Variants in DOCK1 observed in about 807,000 individuals in gnomAD.
DOCK1 encodes the protein dedicator of cytokinesis 1.
Under a neutral mutation model 262.7 loss-of-function variants are expected in DOCK1, and 138 were observed. The observed-to-expected ratio is 0.53, with a 90% CI of 0.46 to 0.61. DOCK1 has a LOEUF of 0.61. Among genes scored for constraint, DOCK1 ranks in the 20% least tolerant of loss-of-function variants. DOCK1 has a pLI of 0.00. For synonymous variants in DOCK1, 866 were observed against 867.4 expected (o/e 1.00, Z 0.03); for missense variants, 1,908 against 2,370.7 (o/e 0.80, Z 4.05).
intron 29 of DOCK1, among the ~76,000 whole-genome samples, chr10:127,282,910 G>A (rs973688508): frequency 1.3e-5 from 2 of 152,238 alleles, no homozygotes; most frequent in Admixed American, 6.5e-5. Context: ...AGGGTCCTGC[G>A]TGTATCCTAC....
intron 29 of DOCK1, among the ~76,000 whole-genome samples, chr10:127,313,675 C>G (rs1277648667): frequency 6.6e-6 from 1 of 152,122 alleles, no homozygotes; most frequent in Non-Finnish European, 1.5e-5. Context: ...CCACCCCTCT[C>G]GACCCGCAGC....
intron 1 of DOCK1, among the ~76,000 whole-genome samples, 181 bp downstream of exon 1, chr10:126,905,744 C>T (rs1179826893): frequency 6.9e-6 from 1 of 145,174 alleles, no homozygotes; most frequent in Non-Finnish European, 1.5e-5. Context: ...CCCGCGCCCC[C>T]GGCGGCGTCA....
At chr10:127,065,785 C>T (rs553525882) in intron 23 of DOCK1, among the ~76,000 whole-genome samples, 3 of 152,080 alleles carry the variant, frequency 2.0e-5, no homozygotes, top group East Asian at 1.9e-4. Context: ...GGGTCAGAGG[C>T]GGAGGTTGCA....
At chr10:127,111,451 C>T (rs981634089) in intron 25 of DOCK1, among the ~76,000 whole-genome samples, 3 of 152,124 alleles carry the variant, frequency 2.0e-5, no homozygotes, top group African/African-American at 7.2e-5. Flanking sequence ...CAGTTCTCAC[C>T]ATGGTCTGGG....
In DOCK1 at chr10:126,953,008, G is replaced by A. The variant is rs1485402158; in HGVS notation, c.47-17694G>A. Among the ~76,000 whole-genome samples the A allele has an allele frequency of 4.6e-5, 7 of 151,764 alleles. No homozygotes were observed. In the East Asian group the frequency reaches 9.7e-4, roughly 21 times the overall value. ...GTATAGTTAGTGATGTAGTGTTGGT[G>A]GTGGTAGTATTGTTGGTGCTGCTGG... On this transcript the variant is annotated intron_variant, in intron 1 of 51. Coordinates refer to ENST00000623213, the MANE Select transcript of DOCK1 (RefSeq NM_001290223.2).
intron 1 of DOCK1, among the ~76,000 whole-genome samples, chr10:126,961,081 T>G (rs2037181925): frequency 6.6e-6 from 1 of 152,068 alleles, no homozygotes; most frequent in Non-Finnish European, 1.5e-5. Context: ...AAAGAAATAT[T>G]GAATAACAAA....
At chr10:126,971,858 T>C (rs1386771947) in intron 2 of DOCK1, among the ~76,000 whole-genome samples, 1 of 152,234 alleles carries the variant, frequency 6.6e-6, no homozygotes, top group Non-Finnish European at 1.5e-5. Flanking sequence ...ATCCCCATTT[T>C]CTTGGGATGA....
At chr10:126,939,686 C>G (rs1335795999) in intron 1 of DOCK1, among the ~76,000 whole-genome samples, 2 of 152,172 alleles carry the variant, frequency 1.3e-5, no homozygotes, top group Non-Finnish European at 2.9e-5. Flanking sequence ...AGAAAACAAA[C>G]TCTTCAGTCC....
intron 25 of DOCK1, among the ~76,000 whole-genome samples, chr10:127,117,086 GA>G (rs1285660767): frequency 6.6e-6 from 1 of 152,120 alleles, no homozygotes; most frequent in Non-Finnish European, 1.5e-5. Context: ...CAGGATTTTA[GA>G]AATGACTTAT....
chr10:126,981,646 A>C (rs930745724), intron 3 of DOCK1, among the ~76,000 whole-genome samples: 1 of 152,226 alleles, frequency 6.6e-6, no homozygotes, highest in African/African-American at 2.4e-5. Context: ...GGTGTGATCT[A>C]TGGAGCAGCC....
chr10:126,967,836 C>T (rs1015496139), intron 1 of DOCK1, among the ~76,000 whole-genome samples: 4 of 152,122 alleles, frequency 2.6e-5, no homozygotes, highest in Non-Finnish European at 4.4e-5. Context: ...GTTTTTGAGA[C>T]GGAGTCTCGC....
At chr10:127,134,041 A>G (rs1356098652) in intron 27 of DOCK1, among the ~76,000 whole-genome samples, 1 of 152,214 alleles carries the variant, frequency 6.6e-6, no homozygotes, top group African/African-American at 2.4e-5. Flanking sequence ...TAAAAATGCT[A>G]AGGAATGAGT....
intron 25 of DOCK1, among the ~76,000 whole-genome samples, chr10:127,112,301 C>G (rs1592072740): frequency 6.6e-6 from 1 of 152,134 alleles, no homozygotes; most frequent in Non-Finnish European, 1.5e-5. Context: ...CGTGAGCCAC[C>G]GAGCCTGACC....
At chr10:127,388,027 G>A (rs2066237241) in intron 38 of DOCK1, among the ~76,000 whole-genome samples, 1 of 152,132 alleles carries the variant, frequency 6.6e-6, no homozygotes, top group Non-Finnish European at 1.5e-5. Flanking sequence ...AAGAGAAGGT[G>A]CTGTTAACCC....
rs1216809857 is a variant in DOCK1 at position 127,186,504 on chromosome 10, A to ACCCCC, written c.2847+58742_2847+58743insCCCCC. Among the ~76,000 whole-genome samples, 9 of 9,012 alleles carry ACCCCC rather than the reference A, an allele frequency of 1.0e-3. 3 individuals carry two copies. The highest frequency in any genetic ancestry group is 2.1e-3 in the Non-Finnish European group (6 of 2,824). 5.9% of individuals were successfully genotyped at this position (9,012 alleles called of 152,430 possible). ...CAATCATGATAACAGCATGGGAGAA[A>ACCCCC]CCGCCCCCCCGCCCCCCCCCGATCC... On this transcript the variant is annotated intron_variant, in intron 27 of 51. Transcript: ENST00000623213.
chr10:127,300,378 A>C (rs1174229185), intron 29 of DOCK1, among the ~76,000 whole-genome samples: 1 of 152,146 alleles, frequency 6.6e-6, no homozygotes, highest in African/African-American at 2.4e-5. Flanking sequence ...ATGAGCCACC[A>C]AGAGACTGGG....
chr10:127,035,646 T>G (rs763922349), intron 18 of DOCK1, among the ~76,000 whole-genome samples: 7 of 152,210 alleles, frequency 4.6e-5, no homozygotes, highest in Non-Finnish European at 1.0e-4. Flanking sequence ...GAAATCTCCC[T>G]TAACCCTAGG....
chr10:127,172,349 G>T (rs11016610), intron 27 of DOCK1, among the ~76,000 whole-genome samples: 278 of 152,262 alleles, frequency 1.8e-3, no homozygotes, highest in Non-Finnish European at 3.0e-3. Context: ...TCCCTCCAGA[G>T]CCTGTTGTTC....
intron 50 of DOCK1, 52 bp from the exon 51 acceptor site, chr10:127,447,342 T>C: frequency 1.3e-6 from 2 of 1,578,622 alleles, no homozygotes; most frequent in Non-Finnish European, 1.7e-6. Context: ...CCCTGAGCAT[T>C]CAGGCTCCGT....
Sources: allele counts gnomAD v4.1 joint callset (sites outside exome capture counted in the v4.1 genomes callset), GRCh38; gene constraint gnomAD v4.1.1; transcripts MANE v1.5; gene names NCBI Gene and HGNC (gene_info 2026-07-23, HGNC 2026-07-21).